ADAMTS14: variants seen among roughly 807,000 people sequenced by gnomAD.
The protein encoded by ADAMTS14 is ADAM metallopeptidase with thrombospondin type 1 motif 14.
In ADAMTS14, 100 loss-of-function variants were observed where a neutral mutation model predicts 128.6. The observed-to-expected ratio is 0.78, with a 90% CI of 0.66 to 0.92. The LOEUF (loss-of-function observed/expected upper bound fraction) is 0.92, where lower values mean the gene tolerates loss of function less well. Ranked by LOEUF, ADAMTS14 falls within the 40% of genes least tolerant of loss-of-function variation. The pLI, the probability that ADAMTS14 is intolerant of heterozygous loss-of-function variation, is 0.00. For missense variants in ADAMTS14, 1,562 were observed against 1,658.6 expected (o/e 0.94, Z 1.01); for synonymous variants, 665 against 653.8 (o/e 1.02, Z -0.26).
At chr10:70,721,008 T>G (rs971749691) in intron 4 of ADAMTS14, among the ~76,000 whole-genome samples, 4 of 150,532 alleles carry the variant, frequency 2.7e-5, no homozygotes, top group African/African-American at 9.8e-5. Context: ...AGAGAGCTTT[T>G]TCTCTTTTTT....
At chr10:70,754,465 G>C (rs1255252776) in intron 19 of ADAMTS14, among the ~76,000 whole-genome samples, 1 of 152,212 alleles carries the variant, frequency 6.6e-6, no homozygotes, top group Non-Finnish European at 1.5e-5. Context: ...GGAGCTGGGT[G>C]GGGAGTAGTG....
rs750319577 is a variant in ADAMTS14, at chr10:70,741,003, C to T, written c.1765C>T (p.Arg589Cys). Residue 589 changes from arginine to cysteine, a missense_variant, in exon 12 of 22, where the codon CGC becomes TGC. By Grantham distance (180) the Arg-to-Cys change is radical. Coordinates refer to ENST00000373207, the MANE Select transcript of ADAMTS14 (RefSeq NM_080722.4). ...CTGTCCCAGCCCAGCCTATGGAGGC[C>T]GCCTGTGCTTAGGGCCCATGTTCGA... ...CNNPSPAYGG[R>C]LCLGPMFEYQ... 13 of 1,613,958 alleles carry T rather than the reference C, an allele frequency of 8.1e-6. No individual in the cohort carries two copies. The highest frequency in any genetic ancestry group is 4.0e-5 in the African/African-American group (3 of 74,928).
chr10:70,717,370 A>G (rs1841088821), intron 4 of ADAMTS14, among the ~76,000 whole-genome samples: 1 of 152,130 alleles, frequency 6.6e-6, no homozygotes, highest in African/African-American at 2.4e-5. Context: ...CATGTGGGCC[A>G]GGGCGGCAGA....
At chr10:70,693,459 G>A (rs891759069) in intron 2 of ADAMTS14, among the ~76,000 whole-genome samples, 13 of 152,154 alleles carry the variant, frequency 8.5e-5, no homozygotes, top group South Asian at 4.1e-4. Flanking sequence ...AATCACGGCC[G>A]CAGATGCAAA....
chr10:70,689,389 AC>A (rs1443717857), intron 2 of ADAMTS14, among the ~76,000 whole-genome samples: 1 of 144,900 alleles, frequency 6.9e-6, no homozygotes, highest in African/African-American at 2.4e-5. Context: ...GGGATAGAGC[AC>A]CTGCCAAGAG....
chr10:70,700,178 A>C (rs890547660), intron 2 of ADAMTS14, among the ~76,000 whole-genome samples: 4 of 152,038 alleles, frequency 2.6e-5, no homozygotes, highest in Non-Finnish European at 4.4e-5. Context: ...CTGCAGGCGT[A>C]CAGTGGCAGA....
intron 2 of ADAMTS14, among the ~76,000 whole-genome samples, chr10:70,701,403 A>G (rs779518778): frequency 8.5e-5 from 13 of 152,268 alleles, no homozygotes; most frequent in Non-Finnish European, 1.5e-4. Context: ...TTCAACAAAT[A>G]TTTATTTGCT....
chr10:70,740,564 A>G (rs966409746), intron 11 of ADAMTS14, among the ~76,000 whole-genome samples: 14 of 152,180 alleles, frequency 9.2e-5, no homozygotes, highest in African/African-American at 3.4e-4. Context: ...TTATGATGAT[A>G]TTAAGTGGAA....
chr10:70,736,478 T>C (rs968217557), intron 9 of ADAMTS14, among the ~76,000 whole-genome samples: 3 of 152,058 alleles, frequency 2.0e-5, no homozygotes, highest in African/African-American at 7.2e-5. Flanking sequence ...TCTTTCTCAG[T>C]GCCATGGAGA....
At chr10:70,706,352 A>T (rs1393080851) in intron 3 of ADAMTS14, among the ~76,000 whole-genome samples, 1 of 152,214 alleles carries the variant, frequency 6.6e-6, no homozygotes. Flanking sequence ...TTCCTGTGAC[A>T]GGCCTGGCAG....
At chr10:70,708,329 C>T (rs1003291938) in intron 3 of ADAMTS14, among the ~76,000 whole-genome samples, 3 of 152,168 alleles carry the variant, frequency 2.0e-5, no homozygotes, top group South Asian at 2.1e-4. Flanking sequence ...GAGTGGCTCC[C>T]GGAACCCAGG....
intron 4 of ADAMTS14, among the ~76,000 whole-genome samples, chr10:70,721,301 G>A (rs1841254629): frequency 6.6e-6 from 1 of 151,862 alleles, no homozygotes. Context: ...GGGATTACAG[G>A]CGTGAGCCAC....
At position 70,760,655 on chromosome 10, in the gene ADAMTS14, C is replaced by A; in HGVS notation, c.3474C>A (p.Ser1158Arg). The change falls in exon 22 of 22, where the codon AGC becomes AGA. Residue 1158 changes from serine to arginine, a missense_variant. Physicochemically the swap from Ser to Arg is moderately radical, Grantham distance 110. Coordinates refer to ENST00000373207, the MANE Select transcript of ADAMTS14 (RefSeq NM_080722.4). The stretch of plus-strand genomic sequence containing the variant: ...AGCTCCCAGGAGCTCTGGATACAAG[C>A]TCCCCAGGGACCCAGCATCCCTTTG... ...ATQLPGALDT[S>R]SPGTQHPFAP... 6.2e-7 allele frequency: 1 copy of A among 1,614,160 alleles called. No individual in the cohort carries two copies. The highest frequency in any genetic ancestry group is 8.5e-7 in the Non-Finnish European group (1 of 1,180,012).
chr10:70,683,877 A>G (rs932639491), intron 2 of ADAMTS14, among the ~76,000 whole-genome samples: 2 of 151,628 alleles, frequency 1.3e-5, no homozygotes, highest in Admixed American at 6.6e-5. Flanking sequence ...TCAGGGTAGC[A>G]CTCCAACAGG....
intron 2 of ADAMTS14, among the ~76,000 whole-genome samples, chr10:70,698,579 A>G (rs1458750640): frequency 6.6e-6 from 1 of 152,240 alleles, no homozygotes; most frequent in Non-Finnish European, 1.5e-5. Context: ...CGGCCCAGGC[A>G]GAGCCCAGAC....
chr10:70,732,472 G>A, intron 7 of ADAMTS14, 113 bp downstream of exon 7: 1 of 945,028 alleles, frequency 1.1e-6, no homozygotes, highest in Non-Finnish European at 1.6e-6. Context: ...GTCCTGGGAG[G>A]TGTCAGAGGA....
chr10:70,723,151 T>C (rs1460596596), intron 4 of ADAMTS14, among the ~76,000 whole-genome samples: 2 of 152,014 alleles, frequency 1.3e-5, no homozygotes, highest in Non-Finnish European at 2.9e-5. Context: ...CATCTAACCA[T>C]GAGAAAACCA....
intron 8 of ADAMTS14, among the ~76,000 whole-genome samples, chr10:70,734,535 G>A (rs981824411): frequency 3.9e-5 from 6 of 152,166 alleles, no homozygotes; most frequent in African/African-American, 1.2e-4. Flanking sequence ...TGGGCATGCT[G>A]AGGAGGGAGC....
chr10:70,742,283 C>G (rs1382173789), intron 12 of ADAMTS14, among the ~76,000 whole-genome samples: 1 of 151,946 alleles, frequency 6.6e-6, no homozygotes, highest in Non-Finnish European at 1.5e-5. Context: ...GTTGGAGCTC[C>G]CCCAGACCCA....
Sources: allele counts gnomAD v4.1 joint callset (sites outside exome capture counted in the v4.1 genomes callset), GRCh38; gene constraint gnomAD v4.1.1; transcripts MANE v1.5; gene names NCBI Gene and HGNC (gene_info 2026-07-23, HGNC 2026-07-21).